The following IQCM variants were observed in gnomAD, a reference collection of about 807,000 sequenced individuals.
The protein encoded by IQCM is IQ motif containing M.
In IQCM, 45 loss-of-function variants were observed where a neutral mutation model predicts 57.6. The ratio of observed to expected loss-of-function variants is 0.78; its 90% CI spans 0.62 to 1.00. The LOEUF is 1.00. Ranked by LOEUF, IQCM falls within the 50% of genes least tolerant of loss-of-function variation. IQCM has a pLI of 0.00. For missense variants in IQCM, 468 were observed against 511.6 expected (o/e 0.91, Z 0.82); for synonymous variants, 148 against 158.9 (o/e 0.93, Z 0.51).
chr4:149,558,066 C>T (rs1489188409), intron 10 of IQCM, among the ~76,000 whole-genome samples: 1 of 152,154 alleles, frequency 6.6e-6, no homozygotes, highest in Non-Finnish European at 1.5e-5. Context: ...CTTGATCTAG[C>T]ACATTCTGGT....
intron 9 of IQCM, among the ~76,000 whole-genome samples, chr4:149,576,896 T>C (rs751105063): frequency 4.6e-5 from 7 of 151,846 alleles, no homozygotes; most frequent in Non-Finnish European, 1.0e-4. Flanking sequence ...ACCTCACTAG[T>C]ATCTTATTTT....
At chr4:149,465,225 G>T (rs949722962) in intron 12 of IQCM, among the ~76,000 whole-genome samples, 1 of 151,902 alleles carries the variant, frequency 6.6e-6, no homozygotes, top group African/African-American at 2.4e-5. Flanking sequence ...AATACATTTT[G>T]GTTTTTTTTA....
intron 12 of IQCM, among the ~76,000 whole-genome samples, chr4:149,487,596 C>T (rs1311545798): frequency 2.0e-5 from 3 of 152,188 alleles, no homozygotes; most frequent in Non-Finnish European, 4.4e-5. Context: ...TGCCAAGAAA[C>T]TCAAGTACTG....
chr4:149,511,545 A>C (rs937051664), intron 12 of IQCM, among the ~76,000 whole-genome samples: 3 of 150,928 alleles, frequency 2.0e-5, no homozygotes, highest in Non-Finnish European at 4.4e-5. Flanking sequence ...ATAAATAAAT[A>C]AATAAATAAA....
intron 13 of IQCM, among the ~76,000 whole-genome samples, chr4:149,378,454 G>A (rs1369802866): frequency 6.6e-6 from 1 of 152,168 alleles, no homozygotes; most frequent in South Asian, 2.1e-4. Context: ...ATGCTGAGAT[G>A]GTCTCAGGTG....
At position 149,733,409 on chromosome 4, in the gene IQCM, G is replaced by A. The variant is rs1190153492; in HGVS notation, c.220C>T (p.Arg74Cys). The change falls in exon 5 of 14, where the codon CGT becomes TGT. Residue 74 changes from arginine (R) to cysteine (C), a missense_variant. Physicochemically the swap from Arg to Cys is radical, Grantham distance 180. Coordinates refer to ENST00000636793, the MANE Select transcript of IQCM (RefSeq NM_001363507.2). Reference sequence around the variant, plus strand: ...GCCCGATGTTCTTGCACCACATCACGTGTTACCTTTTTGTCAATCTCCAAA... The same window carrying A: ...GCCCGATGTTCTTGCACCACATCACATGTTACCTTTTTGTCAATCTCCAAA... The part of the protein sequence containing the change: ...IPLEIDKKVT[R>C]DVVQEHRAAL... 31 of 1,231,708 alleles carry A rather than the reference G, an allele frequency of 2.5e-5. No homozygotes were observed. Among genetic ancestry groups the A allele is most frequent in the African/African-American group, 4.7e-5 (3 of 64,456 alleles). 76.3% of individuals were successfully genotyped at this position (1,231,708 alleles called of 1,614,324 possible).
At chr4:149,578,032 G>A (rs1029543510) in intron 9 of IQCM, among the ~76,000 whole-genome samples, 1 of 151,652 alleles carries the variant, frequency 6.6e-6, no homozygotes, top group Non-Finnish European at 1.5e-5. Flanking sequence ...CTTGGACATT[G>A]GTGAATAGAA....
chr4:149,632,880 G>C (rs990270395), intron 7 of IQCM, among the ~76,000 whole-genome samples: 1 of 152,016 alleles, frequency 6.6e-6, no homozygotes, highest in African/African-American at 2.4e-5. Flanking sequence ...AGCAAATATC[G>C]GCCGGGCGCG....
intron 5 of IQCM, among the ~76,000 whole-genome samples, chr4:149,711,952 G>C (rs1344010358): frequency 2.0e-5 from 3 of 152,092 alleles, no homozygotes; most frequent in Non-Finnish European, 2.9e-5. Context: ...AGTACTCACT[G>C]GGCTTCTGGA....
chr4:149,568,987 A>G lies in IQCM; in HGVS notation c.750-5097T>C, dbSNP rs187328377. Among the ~76,000 whole-genome samples, 3 of 152,260 alleles carry G rather than the reference A, an allele frequency of 2.0e-5. No individual in the cohort carries two copies. In the East Asian group the frequency reaches 5.8e-4, roughly 29 times the overall value. On this transcript the variant is annotated intron_variant, in intron 9 of 13. Coordinates refer to ENST00000636793, the MANE Select transcript of IQCM (RefSeq NM_001363507.2). The stretch of plus-strand genomic sequence containing the variant: ...GGTCTAGCCAATAGAATCCAATGGA[A>G]GTGATAATGTGCCAGTTCTAACTAT...
chr4:149,612,708 T>C (rs1039927434), intron 8 of IQCM, among the ~76,000 whole-genome samples: 4 of 142,484 alleles, frequency 2.8e-5, no homozygotes, highest in African/African-American at 7.3e-5. Flanking sequence ...CTACATAAAT[T>C]AATATAGTTT....
rs1560845314 is a variant in IQCM at position 149,443,751 on chromosome 4, A to AAGGAAAGGAAAGGAAAGGAAAGGAG, written c.1229-10195_1229-10194insCTCCTTTCCTTTCCTTTCCTTTCCT. 1.7e-4 allele frequency among the ~76,000 whole-genome samples: 25 copies of AAGGAAAGGAAAGGAAAGGAAAGGAG among 150,816 alleles called. 1 individual carries two copies. The highest frequency in any genetic ancestry group is 6.1e-4 in the African/African-American group (25 of 41,072). ...AAGGAAAGGAAAGGAAAGGAAAGGA[A>AAGGAAAGGAAAGGAAAGGAAAGGAG]GAAAACTGGCAAGCCTTCAACCCAT... On this transcript the variant is annotated intron_variant, in intron 12 of 13. Coordinates refer to ENST00000636793, the MANE Select transcript of IQCM (RefSeq NM_001363507.2).
rs573876312 is a variant in IQCM, at chr4:149,597,952, G to A, written c.682-9955C>T. The stretch of plus-strand genomic sequence containing the variant: ...AAAGTTCTTAGAAATAGAGTACATA[G>A]ACATATTACCTACAAAAGAGAGACA... On this transcript the variant is annotated intron_variant, in intron 8 of 13. Transcript: ENST00000636793. Among the ~76,000 whole-genome samples, 5 of 152,036 alleles carry A rather than the reference G, an allele frequency of 3.3e-5. No individual in the cohort carries two copies. The South Asian group carries it at 1.0e-3, about 32-fold the overall frequency.
At chr4:149,593,537 T>C (rs1753432982) in intron 8 of IQCM, among the ~76,000 whole-genome samples, 1 of 152,104 alleles carries the variant, frequency 6.6e-6, no homozygotes, top group Non-Finnish European at 1.5e-5. Context: ...CTTGTGCCAG[T>C]TTTCAAAGGG....
At chr4:149,570,893 A>C (rs1210577878) in intron 9 of IQCM, among the ~76,000 whole-genome samples, 8 of 152,146 alleles carry the variant, frequency 5.3e-5, no homozygotes, top group Admixed American at 2.6e-4. Context: ...CATATATGAA[A>C]AAATGCTCAA....
At chr4:149,425,201 A>C (rs768110731) in intron 13 of IQCM, among the ~76,000 whole-genome samples, 4 of 152,054 alleles carry the variant, frequency 2.6e-5, no homozygotes, top group Non-Finnish European at 5.9e-5. Context: ...ACTTTACATT[A>C]ATTATACAAT....
intron 13 of IQCM, among the ~76,000 whole-genome samples, chr4:149,432,488 C>T (rs925178532): frequency 6.6e-6 from 1 of 151,858 alleles, no homozygotes; most frequent in African/African-American, 2.4e-5. Context: ...GAGCCATATA[C>T]AAAAATTAAC....
intron 13 of IQCM, among the ~76,000 whole-genome samples, chr4:149,421,109 C>G (rs138946516): frequency 5.3e-5 from 8 of 152,222 alleles, no homozygotes; most frequent in African/African-American, 1.4e-4. Context: ...GGGAGGCCAT[C>G]TGTGTACTGC....
At chr4:149,542,869 T>C (rs1000132254) in intron 12 of IQCM, among the ~76,000 whole-genome samples, 3 of 152,090 alleles carry the variant, frequency 2.0e-5, no homozygotes, top group Non-Finnish European at 1.5e-5. Context: ...ACTTAGATAT[T>C]ATCTTCCTTT....
Sources: allele counts gnomAD v4.1 joint callset (sites outside exome capture counted in the v4.1 genomes callset), GRCh38; gene constraint gnomAD v4.1.1; transcripts MANE v1.5; gene names NCBI Gene and HGNC (gene_info 2026-07-23, HGNC 2026-07-21).